The following OXGR1 variants were observed in gnomAD, a reference collection of about 807,000 sequenced individuals.
OXGR1 encodes the protein 2-oxoglutarate receptor 1.
In OXGR1, 10 loss-of-function variants were observed where a neutral mutation model predicts 10.0. The ratio of observed to expected loss-of-function variants is 1.00; its 90% CI spans 0.62 to 1.70. The LOEUF (loss-of-function observed/expected upper bound fraction) is 1.70. OXGR1 is among the 40% of genes most tolerant of loss of function. OXGR1 has a pLI of 0.00. For synonymous variants in OXGR1, 191 were observed against 155.9 expected (o/e 1.22, Z -1.68); for missense variants, 398 against 407.6 (o/e 0.98, Z 0.20).
chr13:96,990,946 CAA>C (rs765856782), intron 2 of OXGR1, among the ~76,000 whole-genome samples: 11 of 97,180 alleles, frequency 1.1e-4, no homozygotes, highest in East Asian at 2.8e-4. Context: ...AAGACTCTTT[CAA>C]AAAAAAAAAA....
At position 96,987,607 on chromosome 13, in the gene OXGR1, ATTG is replaced by A. The variant is rs1210453147; in HGVS notation, c.150_152del (p.Asn51del). On this transcript the variant is annotated inframe_deletion, in exon 4 of 4. Coordinates refer to ENST00000541038, the MANE Select transcript of OXGR1 (RefSeq NM_001346194.2). ...AAATGTAAGTGGATATCACTACTGCATTGCCTGGAAATCCCACGAGGAAGATAA... is the reference window on the plus strand; with the variant it reads ...AAATGTAAGTGGATATCACTACTGCACCTGGAAATCCCACGAGGAAGATAA... 2 of 1,614,178 alleles carry A rather than the reference ATTG, an allele frequency of 1.2e-6. No homozygotes were observed. Among genetic ancestry groups the A allele is most frequent in the Admixed American group, 3.3e-5 (2 of 60,032 alleles).
chr13:96,986,426 G>A lies in OXGR1; in HGVS notation c.*320C>T, dbSNP rs1881741578. 1 of 248,894 alleles carries A rather than the reference G, an allele frequency of 4.0e-6. No individual in the cohort carries two copies. Among genetic ancestry groups the A allele is most frequent in the African/African-American group, 2.3e-5 (1 of 43,838 alleles). The allele number at this position is 248,894 out of a possible 1,614,324, so 15.4% of individuals were successfully genotyped here. ...AATTTACTGAGCAATCTAGGGCAAGGGTAAGAAATTGGTTTCCGTGTATAT... is the reference window on the plus strand; with the variant it reads ...AATTTACTGAGCAATCTAGGGCAAGAGTAAGAAATTGGTTTCCGTGTATAT... On this transcript the variant is annotated 3_prime_UTR_variant, in exon 4 of 4. Transcript: ENST00000541038.
chr13:96,990,087 A>G (rs1881977691), intron 2 of OXGR1, among the ~76,000 whole-genome samples: 3 of 152,218 alleles, frequency 2.0e-5, no homozygotes, highest in African/African-American at 7.2e-5. Context: ...TATTCATGAA[A>G]CTATCATCTA....
At position 96,986,730 on chromosome 13, in the gene OXGR1, A is replaced by G. The variant is rs1221354432; in HGVS notation, c.*16T>C. On this transcript the variant is annotated 3_prime_UTR_variant, in exon 4 of 4. Coordinates refer to ENST00000541038, the MANE Select transcript of OXGR1 (RefSeq NM_001346194.2). ...TATCAGCAAGTATTTGTTTTTGGTT[A>G]AGTAAATGAAATATTTCAAGGGTTG... 5.1e-6 allele frequency: 8 copies of G among 1,579,458 alleles called. No homozygotes were observed. In the African/African-American group the frequency reaches 1.1e-4, roughly 21 times the overall value.
chr13:96,991,656 T>G (rs1167143604), intron 2 of OXGR1, among the ~76,000 whole-genome samples: 4 of 152,210 alleles, frequency 2.6e-5, no homozygotes, highest in Non-Finnish European at 4.4e-5. Flanking sequence ...ACAATCACTA[T>G]GGAGAACAGT....
In OXGR1 at chr13:96,993,056, A is replaced by T. The variant is rs149302320; in HGVS notation, c.-277-484T>A. 9.3e-4 allele frequency among the ~76,000 whole-genome samples: 141 copies of T among 152,312 alleles called. 2 individuals carry two copies. The East Asian group carries it at 0.025, about 27-fold the overall frequency. ...CATATTTGAAAACTAATTGTACTTC[A>T]TACTGGTGGAAAAGAGACCAATTCT... On this transcript the variant is annotated intron_variant, in intron 1 of 3. Transcript: ENST00000541038.
At chr13:96,991,380 C>A (rs887811135) in intron 2 of OXGR1, among the ~76,000 whole-genome samples, 1 of 152,172 alleles carries the variant, frequency 6.6e-6, no homozygotes, top group African/African-American at 2.4e-5. Context: ...GGTCCACAAA[C>A]AAATCATTTC....
At position 96,992,070 on chromosome 13, in the gene OXGR1, T is replaced by C. The variant is rs143802544; in HGVS notation, c.-127+352A>G. On this transcript the variant is annotated intron_variant, in intron 2 of 3. Transcript: ENST00000541038. ...ATGGGCATAGAGAGTAGAAGGATGG[T>C]TACCAGAAGCTGGGAAGAGTAGTGG... is the stretch of plus-strand genomic sequence containing the variant. 5.5e-3 allele frequency among the ~76,000 whole-genome samples: 831 copies of C among 152,070 alleles called. 6 individuals are homozygous for C. The highest frequency in any genetic ancestry group is 0.019 in the African/African-American group (799 of 41,466).
chr13:96,990,560 C>T (rs1456713691), intron 2 of OXGR1, among the ~76,000 whole-genome samples: 1 of 152,082 alleles, frequency 6.6e-6, no homozygotes, highest in African/African-American at 2.4e-5. Context: ...TTAATATTTG[C>T]TGAATGCATT....
rs760826425 is a variant in OXGR1, at chr13:96,992,456, A to G, written c.-161T>C. On this transcript the variant is annotated 5_prime_UTR_variant, in exon 2 of 4. Transcript: ENST00000541038. ...CTTTTTTTCTCTGAAATTGGAAAGT[A>G]GCTGTGATTGTTTGAGGCTAGCTGC... 5 of 152,214 alleles carry G rather than the reference A, an allele frequency of 3.3e-5. No homozygotes were observed. Among genetic ancestry groups the G allele is most frequent in the Non-Finnish European group, 5.9e-5 (4 of 68,032 alleles). The allele number at this position is 152,214 out of a possible 1,614,324, so 9.4% of individuals were successfully genotyped here.
At chr13:96,990,946 C>CAAAAAAA (rs765856782) in intron 2 of OXGR1, among the ~76,000 whole-genome samples, 32,572 of 95,412 alleles carry the variant, frequency 0.34, 6,053 homozygotes, top group Admixed American at 0.45. Flanking sequence ...AAGACTCTTT[C>CAAAAAAA]AAAAAAAAAA....
intron 2 of OXGR1, among the ~76,000 whole-genome samples, chr13:96,990,285 CA>C (rs1881987087): frequency 6.6e-6 from 1 of 152,178 alleles, no homozygotes; most frequent in African/African-American, 2.4e-5. Context: ...CAGCACGTCC[CA>C]AAGACAGTTC....
At position 96,986,357 on chromosome 13, in the gene OXGR1, T is replaced by C. The variant is rs965686739; in HGVS notation, c.*389A>G. The C allele has an allele frequency of 5.3e-6, 1 of 188,080 alleles. No homozygotes were observed. The allele number at this position is 188,080 out of a possible 1,614,324, so 11.7% of individuals were successfully genotyped here. ...AATAGGCCCAGAGTGCAGAGAAGCA[T>C]GAAATGATGAGTGAAAAGATTGGTT... On this transcript the variant is annotated 3_prime_UTR_variant, in exon 4 of 4. Coordinates refer to ENST00000541038, the MANE Select transcript of OXGR1 (RefSeq NM_001346194.2).
chr13:96,986,925 G>C lies in OXGR1; in HGVS notation c.835C>G (p.Gln279Glu). The change falls in exon 4 of 4, where the codon CAG (glutamine) becomes GAG (glutamate). Residue 279 changes from glutamine to glutamate, a missense_variant. Transcript: ENST00000541038. ...LLSISCSIENQIHEAYIVSRP... is the reference protein window; with the variant it reads ...LLSISCSIENEIHEAYIVSRP... Reference sequence around the variant, plus strand: ...GAAACGATGTAAGCTTCATGGATCTGATTCTCAATGGAACAACTGATTGAA... The same window carrying C: ...GAAACGATGTAAGCTTCATGGATCTCATTCTCAATGGAACAACTGATTGAA... 1 of 1,614,136 alleles carries C rather than the reference G, an allele frequency of 6.2e-7. No homozygotes were observed. Among genetic ancestry groups the C allele is most frequent in the Non-Finnish European group, 8.5e-7 (1 of 1,180,008 alleles).
Position 96,986,564 on chromosome 13 carries a change from C to A in OXGR1, c.*182G>T. ...ACATGCATCCCATTCTTATATCTCC[C>A]CAGTGGAGGAGCTCAATAAAGGGAT... On this transcript the variant is annotated 3_prime_UTR_variant, in exon 4 of 4. Transcript: ENST00000541038. The A allele has an allele frequency of 1.6e-6, 1 of 610,504 alleles. No individual in the cohort carries two copies. 37.8% of individuals were successfully genotyped at this position (610,504 alleles called of 1,614,324 possible).
At position 96,987,107 on chromosome 13, in the gene OXGR1, T is replaced by C. The variant is rs1380550398; in HGVS notation, c.653A>G (p.Tyr218Cys). 2 of 1,614,122 alleles carry C rather than the reference T, an allele frequency of 1.2e-6. No homozygotes were observed. The highest frequency in any genetic ancestry group is 2.2e-5 in the East Asian group (1 of 44,904). Residue 218 changes from tyrosine to cysteine, a missense_variant, in exon 4 of 4, where the codon TAT (tyrosine) becomes TGT (cysteine). Transcript: ENST00000541038. ...GGTCAGAGTGTGGATAATCGTGGTA[T>C]AGCAAAGTGTCACTATCACCAAGGG... is the stretch of plus-strand genomic sequence containing the variant. Reference protein sequence around the residue: ...CLPLVIVTLCYTTIIHTLTHG... With the variant: ...CLPLVIVTLCCTTIIHTLTHG...
chr13:96,987,752 T>C lies in OXGR1; in HGVS notation c.8A>G (p.Glu3Gly). 3.2e-6 allele frequency: 5 copies of C among 1,574,086 alleles called. No homozygotes were observed. Among genetic ancestry groups the C allele is most frequent in the Non-Finnish European group, 4.3e-6 (5 of 1,160,050 alleles). MN[E>G]PLDYLANASD... ...AGCATTTGCTAAATAGTCTAGTGGC[T>C]CATTCATGGTTGTCTCCTTTCATCT... The change falls in exon 4 of 4, where the codon GAG becomes GGG. Residue 3 changes from glutamate (E) to glycine (G), a missense_variant. Transcript: ENST00000541038.
chr13:96,991,847 T>C (rs779150149), intron 2 of OXGR1, among the ~76,000 whole-genome samples: 3 of 152,126 alleles, frequency 2.0e-5, no homozygotes, highest in Non-Finnish European at 2.9e-5. Context: ...CATCCACAGA[T>C]GAATGGATAA....
chr13:96,991,938 G>A (rs1470756836), intron 2 of OXGR1, among the ~76,000 whole-genome samples: 9 of 152,130 alleles, frequency 5.9e-5, no homozygotes, highest in Admixed American at 5.9e-4. Flanking sequence ...AACCTCATGG[G>A]TAGAACTGGA....
Sources: allele counts gnomAD v4.1 joint callset (sites outside exome capture counted in the v4.1 genomes callset), GRCh38; gene constraint gnomAD v4.1.1; transcripts MANE v1.5; gene names NCBI Gene and HGNC (gene_info 2026-07-23, HGNC 2026-07-21).